Variants in SAMD5 observed in about 807,000 individuals in gnomAD.
The protein encoded by SAMD5 is sterile alpha motif domain containing 5.
In SAMD5, 13 loss-of-function variants were observed where a neutral mutation model predicts 11.3. That is an observed-to-expected ratio of 1.15 (90% CI 0.75 to 1.83). The LOEUF (loss-of-function observed/expected upper bound fraction) is 1.83. Among genes scored for constraint, SAMD5 ranks in the 40% most tolerant of loss-of-function variants. The probability of loss-of-function intolerance (pLI) is 0.00; values close to 1 mark genes in which losing one functional copy is unlikely to be tolerated. For missense variants in SAMD5, 255 were observed against 239.1 expected, an observed-to-expected ratio of 1.07 and a Z score of -0.44; for synonymous variants, 129 against 111.3, an observed-to-expected ratio of 1.16 and a Z score of -1.00.
chr6:147,807,365 A>C, the SAMD5 span, among the ~76,000 whole-genome samples: 1 of 152,158 alleles, frequency 6.6e-6, no homozygotes, highest in South Asian at 2.1e-4. Context: ...GGCCTCCCAG[A>C]ATGCTGGGAT....
the SAMD5 span, among the ~76,000 whole-genome samples, chr6:147,906,959 T>C: frequency 2.0e-5 from 3 of 152,328 alleles, no homozygotes; most frequent in East Asian, 5.8e-4. Flanking sequence ...TTTCTTGTAA[T>C]AGCCAGTGCA....
chr6:147,526,959 C>G (rs924562394), intron 1 of SAMD5, among the ~76,000 whole-genome samples: 1 of 152,140 alleles, frequency 6.6e-6, no homozygotes, highest in South Asian at 2.1e-4. Flanking sequence ...TAATGAAGCT[C>G]CTTCACATTT....
At chr6:147,584,925 T>C (rs1352656882) in intron 1 of SAMD5, among the ~76,000 whole-genome samples, 1 of 152,196 alleles carries the variant, frequency 6.6e-6, no homozygotes, top group Non-Finnish European at 1.5e-5. Context: ...AAGTAGCTGC[T>C]GGTGAAAATA....
At chr6:147,836,530 ACC>A in the SAMD5 span, among the ~76,000 whole-genome samples, 1 of 152,260 alleles carries the variant, frequency 6.6e-6, no homozygotes, top group South Asian at 2.1e-4. Flanking sequence ...GTGCAAAATC[ACC>A]TAATACAAAG....
At chr6:147,658,278 C>A (rs1386414787) in intron 1 of SAMD5, among the ~76,000 whole-genome samples, 2 of 152,114 alleles carry the variant, frequency 1.3e-5, no homozygotes, top group African/African-American at 2.4e-5. Flanking sequence ...TTTCATAGCT[C>A]TTTTTTGGAA....
At chr6:147,704,191 G>A (rs539910709) in intron 1 of SAMD5, among the ~76,000 whole-genome samples, 1 of 152,082 alleles carries the variant, frequency 6.6e-6, no homozygotes, top group Non-Finnish European at 1.5e-5. Context: ...CACTGCGCCT[G>A]GCCATTATTT....
intron 1 of SAMD5, among the ~76,000 whole-genome samples, chr6:147,721,825 T>C (rs1791556382): frequency 6.6e-6 from 1 of 152,204 alleles, no homozygotes; most frequent in African/African-American, 2.4e-5. Flanking sequence ...TTCCTCAATA[T>C]AGTTTATATC....
At chr6:147,921,592 CT>C in the SAMD5 span, among the ~76,000 whole-genome samples, 2 of 152,106 alleles carry the variant, frequency 1.3e-5, no homozygotes, top group Non-Finnish European at 2.9e-5. Context: ...ACTCAGGGGA[CT>C]TTTCCAAGAC....
the SAMD5 span, among the ~76,000 whole-genome samples, chr6:147,792,585 C>T: frequency 6.6e-6 from 1 of 152,148 alleles, no homozygotes; most frequent in South Asian, 2.1e-4. Context: ...TCACTAGTAA[C>T]AAGCACACCT....
At chr6:147,917,589 T>C in the SAMD5 span, among the ~76,000 whole-genome samples, 1 of 152,122 alleles carries the variant, frequency 6.6e-6, no homozygotes, top group Non-Finnish European at 1.5e-5. Context: ...ATTTTGTCTT[T>C]TGTTGCCATT....
chr6:147,771,189 C>A, the SAMD5 span, among the ~76,000 whole-genome samples: 1 of 152,188 alleles, frequency 6.6e-6, no homozygotes, highest in South Asian at 2.1e-4. Flanking sequence ...TTATTTGTGG[C>A]AACTCCATAA....
chr6:147,552,166 G>C (rs1485335802), intron 1 of SAMD5, among the ~76,000 whole-genome samples: 1 of 152,138 alleles, frequency 6.6e-6, no homozygotes, highest in Non-Finnish European at 1.5e-5. Context: ...GCTGCAGTGA[G>C]ACAGATTCCT....
intron 1 of SAMD5, among the ~76,000 whole-genome samples, chr6:147,671,275 A>G (rs1364431215): frequency 6.6e-6 from 1 of 152,200 alleles, no homozygotes; most frequent in African/African-American, 2.4e-5. Flanking sequence ...AAAGTTTGAA[A>G]CATTACCAAA....
At chr6:147,931,803 AGAG>A in the SAMD5 span, among the ~76,000 whole-genome samples, 1 of 152,194 alleles carries the variant, frequency 6.6e-6, no homozygotes, top group Admixed American at 6.5e-5. Flanking sequence ...TGTGGCAATC[AGAG>A]GAGGATGTTT....
the SAMD5 span, among the ~76,000 whole-genome samples, chr6:147,778,792 G>A: frequency 1.3e-5 from 2 of 151,996 alleles, no homozygotes; most frequent in African/African-American, 4.8e-5. Context: ...CATCATGTGA[G>A]GGCAGGAACT....
intron 1 of SAMD5, among the ~76,000 whole-genome samples, chr6:147,540,830 C>T (rs1175622552): frequency 6.6e-6 from 1 of 151,404 alleles, no homozygotes; most frequent in Non-Finnish European, 1.5e-5. Context: ...TTTTTGCCAG[C>T]ATACCAGGTT....
the SAMD5 span, among the ~76,000 whole-genome samples, chr6:147,949,275 A>G: frequency 1.3e-5 from 2 of 151,426 alleles, no homozygotes; most frequent in Admixed American, 6.6e-5. Flanking sequence ...ATGATGGGGG[A>G]AAAAACCCAA....
intron 1 of SAMD5, among the ~76,000 whole-genome samples, chr6:147,561,273 C>T (rs11963383): frequency 0.012 from 1,879 of 152,234 alleles, 20 homozygotes; most frequent in South Asian, 0.048. Flanking sequence ...CTGCAACCTC[C>T]AGCTCCCGGA....
At chr6:147,574,491 A>G (rs1789188226), downstream of SAMD5, among the ~76,000 whole-genome samples, 2 of 152,208 alleles carry the variant, frequency 1.3e-5, no homozygotes, top group Non-Finnish European at 2.9e-5. Context: ...ACAGTAGAAG[A>G]TTGACAAAGT....
Sources: gnomAD v4.1 joint callset for allele counts (sites outside exome capture counted in the v4.1 genomes callset) on GRCh38, gnomAD v4.1.1 for gene constraint, MANE v1.5 for transcripts, NCBI Gene and HGNC (gene_info 2026-07-23, HGNC 2026-07-21) for gene names.